Variants in CFAP92 observed in about 807,000 individuals in gnomAD.
The protein encoded by CFAP92 is cilia and flagella associated protein 92 (putative), also known as uncharacterized protein CFAP92.
In CFAP92, 86 loss-of-function variants were observed where a neutral mutation model predicts 106.3. The ratio of observed to expected loss-of-function variants is 0.81; its 90% CI spans 0.68 to 0.97. CFAP92 has a LOEUF of 0.97. CFAP92 is among the 50% of genes least tolerant of loss of function. The pLI is 0.00. For synonymous variants in CFAP92, 477 were observed against 506.4 expected (o/e 0.94, Z 0.78); for missense variants, 1,204 against 1,283.8 (o/e 0.94, Z 0.95).
chr3:129,022,833 C>T, the CFAP92 span, among the ~76,000 whole-genome samples: 3 of 152,210 alleles, frequency 2.0e-5, no homozygotes, highest in African/African-American at 7.2e-5. Context: ...AGAAGTGCGG[C>T]AGGCAGGGGT....
rs1277390162 is a variant in CFAP92 at position 128,965,661 on chromosome 3, C to A, written c.1203G>T (p.Lys401Asn). ...AAAGGCAATCTAAAATGTTGGCAGA[C>A]TTCTCACTGCCACGACTCACGACAG... is the stretch of plus-strand genomic sequence containing the variant. ...WQTVVSRGSEKSANILDCLLT... is the reference protein window; with the variant it reads ...WQTVVSRGSENSANILDCLLT... Residue 401 changes from lysine (K) to asparagine (N), a missense_variant, in exon 9 of 16, where the codon AAG becomes AAT. Lys to Asn is a moderately conservative substitution (Grantham distance 94). Coordinates refer to ENST00000645291, the MANE Select transcript of CFAP92 (RefSeq NM_001394090.1). The A allele has an allele frequency of 1.3e-5, 5 of 398,902 alleles. No homozygotes were observed. Among genetic ancestry groups the A allele is most frequent in the Non-Finnish European group, 2.2e-5 (5 of 226,050 alleles). 24.7% of individuals were successfully genotyped at this position (398,902 alleles called of 1,614,324 possible).
intron 9 of CFAP92, among the ~76,000 whole-genome samples, chr3:128,958,345 T>C (rs2624901): frequency 0.55 from 83,287 of 152,030 alleles, 22,952 homozygotes; most frequent in Middle Eastern, 0.61. Context: ...TTTGTGATGA[T>C]AGAATATTTC....
At chr3:128,929,860 T>C (rs1432571755) in intron 12 of CFAP92, among the ~76,000 whole-genome samples, 1 of 152,190 alleles carries the variant, frequency 6.6e-6, no homozygotes, top group Admixed American at 6.5e-5. Context: ...GTGTTATAAC[T>C]ATAAATTTAC....
chr3:128,940,068 G>A (rs1218669737), intron 10 of CFAP92, among the ~76,000 whole-genome samples: 1 of 152,168 alleles, frequency 6.6e-6, no homozygotes, highest in Non-Finnish European at 1.5e-5. Flanking sequence ...GTGACATCTT[G>A]TGGCCGGCCG....
At chr3:128,928,620 T>C (rs1937973385) in intron 12 of CFAP92, among the ~76,000 whole-genome samples, 1 of 152,172 alleles carries the variant, frequency 6.6e-6, no homozygotes, top group Non-Finnish European at 1.5e-5. Context: ...TGCAAAAAGA[T>C]TAATTTAGAC....
At chr3:129,016,198 A>G in the CFAP92 span, among the ~76,000 whole-genome samples, 1 of 152,178 alleles carries the variant, frequency 6.6e-6, no homozygotes, top group Non-Finnish European at 1.5e-5. Flanking sequence ...ACACTAAGCT[A>G]CAGTTGCTGT....
At chr3:129,001,377 G>C (rs534436634) in intron 1 of CFAP92, among the ~76,000 whole-genome samples, 4 of 152,214 alleles carry the variant, frequency 2.6e-5, no homozygotes, top group African/African-American at 9.6e-5. Flanking sequence ...CCCAGACGCC[G>C]ACCGGGCACT....
chr3:128,948,582 T>C (rs979888613), intron 9 of CFAP92, among the ~76,000 whole-genome samples: 14 of 140,586 alleles, frequency 1.0e-4, no homozygotes, highest in African/African-American at 3.0e-4. Context: ...CAGGCTAGAG[T>C]ACAGTGGCTC....
At position 128,932,887 on chromosome 3, in the gene CFAP92, A is replaced by C. The variant is rs1047002744; in HGVS notation, c.2564T>G (p.Leu855Arg). 8.5e-6 allele frequency: 13 copies of C among 1,536,162 alleles called. No homozygotes were observed. Among genetic ancestry groups the C allele is most frequent in the Non-Finnish European group, 1.1e-5 (13 of 1,146,914 alleles). The change falls in exon 12 of 16, where the codon CTT becomes CGT. Residue 855 changes from leucine (L) to arginine (R), a missense_variant. Leu to Arg is a moderately radical substitution (Grantham distance 102). Coordinates refer to ENST00000645291, the MANE Select transcript of CFAP92 (RefSeq NM_001394090.1). ...CTCATCTGTGAGTTCTTCTTGCGAAAGGGGCATCCCAAACTCTTGGCTCAA... is the reference window on the plus strand; with the variant it reads ...CTCATCTGTGAGTTCTTCTTGCGAACGGGGCATCCCAAACTCTTGGCTCAA... ...KDLSQEFGMP[L>R]SQEELTDEKL...
chr3:128,945,388 T>A lies in CFAP92; in HGVS notation c.1941A>T (p.Arg647Ser), dbSNP rs1940105767. Residue 647 changes from arginine (R) to serine (S), a missense_variant, in exon 10 of 16, where the codon AGA (arginine) becomes AGT (serine). Coordinates refer to ENST00000645291, the MANE Select transcript of CFAP92 (RefSeq NM_001394090.1). ...AGCCCCCAAGGTCAGGATCAGCAGCTCTGGCCCCGGCCCTCAGTGGCACCG... is the reference window on the plus strand; with the variant it reads ...AGCCCCCAAGGTCAGGATCAGCAGCACTGGCCCCGGCCCTCAGTGGCACCG... The part of the protein sequence containing the change: ...DIAVPLRAGA[R>S]AADPDLGGSQ... 4 of 1,536,012 alleles carry A rather than the reference T, an allele frequency of 2.6e-6. No individual in the cohort carries two copies. Among genetic ancestry groups the A allele is most frequent in the Non-Finnish European group, 3.5e-6 (4 of 1,146,906 alleles).
Position 128,910,075 on chromosome 3 carries a change from C to T in CFAP92, c.*224G>A. ...GCGGGTGGCCAACATCCTCATCAACCTGTATGGCATGACGGCCGTGCTGTC... is the reference window on the plus strand; with the variant it reads ...GCGGGTGGCCAACATCCTCATCAACTTGTATGGCATGACGGCCGTGCTGTC... On this transcript the variant is annotated 3_prime_UTR_variant, in exon 16 of 16. Transcript: ENST00000645291. 6.2e-7 allele frequency: 1 copy of T among 1,614,060 alleles called. No individual in the cohort carries two copies. Among genetic ancestry groups the T allele is most frequent in the Non-Finnish European group, 8.5e-7 (1 of 1,180,010 alleles).
intron 9 of CFAP92, 146 bp downstream of exon 9, chr3:128,965,365 C>T: frequency 2.5e-6 from 1 of 395,512 alleles, no homozygotes. Flanking sequence ...CACACAAAGC[C>T]TGTTTGGTAG....
chr3:128,987,317 T>G (rs928970501), intron 4 of CFAP92, among the ~76,000 whole-genome samples: 4 of 152,124 alleles, frequency 2.6e-5, no homozygotes, highest in Non-Finnish European at 5.9e-5. Flanking sequence ...TTTGTTTTTT[T>G]TTTTCAGTGA....
At chr3:129,001,743 G>A (rs1294862968) in intron 1 of CFAP92, 3 of 1,540,274 alleles carry the variant, frequency 1.9e-6, no homozygotes, top group Admixed American at 2.0e-5. Flanking sequence ...GCACCACTAC[G>A]GGCTGGACCG....
At chr3:128,957,884 G>C (rs1375319790) in intron 9 of CFAP92, among the ~76,000 whole-genome samples, 7 of 152,152 alleles carry the variant, frequency 4.6e-5, no homozygotes, top group South Asian at 2.1e-4. Flanking sequence ...TCTGAGGCTA[G>C]AAGTCAGAAA....
At chr3:129,003,821 A>G, upstream of CFAP92, 1 of 1,465,208 alleles carries the variant, frequency 6.8e-7, no homozygotes, top group Non-Finnish European at 9.0e-7. Context: ...CCAGGCGAGC[A>G]CCCACGAGAT....
chr3:129,000,892 G>T (rs944399424), intron 1 of CFAP92, among the ~76,000 whole-genome samples: 1 of 152,248 alleles, frequency 6.6e-6, no homozygotes, highest in South Asian at 2.1e-4. Flanking sequence ...TCACCAGCGG[G>T]GTGCCCCTAA....
At chr3:128,947,895 A>C (rs1940387870) in intron 9 of CFAP92, among the ~76,000 whole-genome samples, 1 of 152,136 alleles carries the variant, frequency 6.6e-6, no homozygotes, top group Admixed American at 6.6e-5. Flanking sequence ...TAAAGCATTG[A>C]GAAGAAAACA....
At chr3:128,966,075 G>A (rs1942342020) in intron 8 of CFAP92, among the ~76,000 whole-genome samples, 1 of 152,192 alleles carries the variant, frequency 6.6e-6, no homozygotes, top group African/African-American at 2.4e-5. Flanking sequence ...AGGTTTAAAA[G>A]CTCTCCAGGT....
Sources: allele counts gnomAD v4.1 joint callset (sites outside exome capture counted in the v4.1 genomes callset), GRCh38; gene constraint gnomAD v4.1.1; transcripts MANE v1.5; gene names NCBI Gene and HGNC (gene_info 2026-07-23, HGNC 2026-07-21).